RAB3B: variants seen among roughly 807,000 people sequenced by gnomAD.
RAB3B encodes ras-related protein Rab-3B.
RAB3B carries 11 observed loss-of-function variants against 20.5 expected under a neutral mutation model. That is an observed-to-expected ratio of 0.54 (90% CI 0.34 to 0.89). RAB3B has a LOEUF of 0.89. Among genes scored for constraint, RAB3B ranks in the 40% least tolerant of loss-of-function variants. The pLI is 0.02. For synonymous variants in RAB3B, 99 were observed against 106.3 expected (o/e 0.93, Z 0.42); for missense variants, 225 against 280.9 (o/e 0.80, Z 1.42).
chr1:51,979,609 CACA>C (rs1244482752), intron 1 of RAB3B, among the ~76,000 whole-genome samples: 1 of 152,110 alleles, frequency 6.6e-6, no homozygotes, highest in East Asian at 1.9e-4. Flanking sequence ...GGGAAGCAAC[CACA>C]ACAACCTCAC....
chr1:51,972,995 A>G (rs1447630928), intron 2 of RAB3B, among the ~76,000 whole-genome samples: 1 of 152,208 alleles, frequency 6.6e-6, no homozygotes, highest in Admixed American at 6.5e-5. Context: ...TATTTAATGT[A>G]TACAATTTGA....
intron 1 of RAB3B, among the ~76,000 whole-genome samples, chr1:51,980,228 A>C (rs1324443013): frequency 6.6e-6 from 1 of 152,186 alleles, no homozygotes; most frequent in African/African-American, 2.4e-5. Flanking sequence ...CAGGAGTTCA[A>C]GACCAGCCTG....
intron 2 of RAB3B, among the ~76,000 whole-genome samples, chr1:51,969,964 G>A (rs1205625635): frequency 6.6e-6 from 1 of 151,860 alleles, no homozygotes; most frequent in East Asian, 1.9e-4. Flanking sequence ...CAGCTACTAG[G>A]GAGGCTGAGG....
At chr1:51,953,982 C>A (rs766120449) in intron 2 of RAB3B, among the ~76,000 whole-genome samples, 1 of 151,952 alleles carries the variant, frequency 6.6e-6, no homozygotes, top group Non-Finnish European at 1.5e-5. Context: ...ATTTCACTAC[C>A]GAGAATCTGT....
chr1:51,930,883 G>A (rs375906408), intron 4 of RAB3B, among the ~76,000 whole-genome samples: 85 of 152,068 alleles, frequency 5.6e-4, no homozygotes, highest in African/African-American at 1.9e-3. Context: ...CAGGCATGGT[G>A]GTGGGTGCCT....
intron 2 of RAB3B, among the ~76,000 whole-genome samples, chr1:51,967,199 G>C (rs997193980): frequency 6.6e-6 from 1 of 152,072 alleles, no homozygotes; most frequent in Admixed American, 6.6e-5. Flanking sequence ...TGTAATCCCA[G>C]CTATTCGGGA....
At chr1:51,971,946 C>T (rs879777493) in intron 2 of RAB3B, among the ~76,000 whole-genome samples, 8 of 152,074 alleles carry the variant, frequency 5.3e-5, no homozygotes, top group Non-Finnish European at 8.8e-5. Flanking sequence ...TTCGGGAGGC[C>T]GAGGTAGGTG....
intron 4 of RAB3B, among the ~76,000 whole-genome samples, chr1:51,929,375 T>C (rs554170400): frequency 6.6e-6 from 1 of 152,234 alleles, no homozygotes; most frequent in East Asian, 1.9e-4. Flanking sequence ...TCACCCAGGC[T>C]GGAGTGCAGT....
At chr1:51,924,644 G>A (rs898644232) in intron 4 of RAB3B, among the ~76,000 whole-genome samples, 1 of 152,158 alleles carries the variant, frequency 6.6e-6, no homozygotes, top group Admixed American at 6.5e-5. Flanking sequence ...ATGCCAAAGA[G>A]ATGTCTTTAC....
intron 1 of RAB3B, among the ~76,000 whole-genome samples, chr1:51,984,328 A>G (rs1178426382): frequency 6.7e-6 from 1 of 149,036 alleles, no homozygotes; most frequent in Non-Finnish European, 1.5e-5. Context: ...ACTCTAAAAA[A>G]ACATCATTTC....
intron 2 of RAB3B, chr1:51,973,656 G>A (rs1047939874): frequency 6.6e-6 from 1 of 152,114 alleles, no homozygotes; most frequent in African/African-American, 2.4e-5. Context: ...TCAATCAGAG[G>A]TTTCTTTATA....
At chr1:51,965,338 T>A (rs1313681841) in intron 2 of RAB3B, among the ~76,000 whole-genome samples, 1 of 152,194 alleles carries the variant, frequency 6.6e-6, no homozygotes, top group African/African-American at 2.4e-5. Context: ...TAAAAATCAC[T>A]GAACTATACT....
At chr1:51,979,082 G>C (rs1243560753) in intron 1 of RAB3B, among the ~76,000 whole-genome samples, 2 of 152,016 alleles carry the variant, frequency 1.3e-5, no homozygotes, top group Admixed American at 6.6e-5. Context: ...AGACTCACTA[G>C]GCAAGTGTGG....
intron 2 of RAB3B, among the ~76,000 whole-genome samples, chr1:51,955,681 T>C (rs1183154806): frequency 1.3e-5 from 2 of 152,128 alleles, no homozygotes; most frequent in East Asian, 3.9e-4. Flanking sequence ...ATTACAGGCA[T>C]AAGCCACTGC....
chr1:51,936,832 AAGAT>A (rs1684411024), intron 3 of RAB3B, among the ~76,000 whole-genome samples: 1 of 148,054 alleles, frequency 6.8e-6, no homozygotes, highest in Non-Finnish European at 1.5e-5. Context: ...TTTTTTTTTT[AAGAT>A]AGAGTCTCAC....
chr1:51,925,962 C>T (rs868589657), intron 4 of RAB3B, among the ~76,000 whole-genome samples: 7 of 152,192 alleles, frequency 4.6e-5, no homozygotes, highest in Non-Finnish European at 8.8e-5. Context: ...AGGAGCAGCC[C>T]CTGCTGGGGG....
intron 2 of RAB3B, among the ~76,000 whole-genome samples, chr1:51,938,171 T>C (rs768882083): frequency 1.7e-4 from 26 of 151,974 alleles, no homozygotes; most frequent in Non-Finnish European, 3.2e-4. Flanking sequence ...CAGCCCCTTA[T>C]TTTTAATAAT....
In RAB3B at chr1:51,912,344, G is replaced by A. The variant is rs1432498584; in HGVS notation, c.*7583C>T. 1 of 149,026 alleles carries A rather than the reference G, an allele frequency of 6.7e-6. No homozygotes were observed. Among genetic ancestry groups the A allele is most frequent in the Non-Finnish European group, 1.5e-5 (1 of 67,452 alleles). The allele number at this position is 149,026 out of a possible 1,614,324, so 9.2% of individuals were successfully genotyped here. A position where few individuals can be genotyped will look rare whatever the true frequency, so the allele number is the denominator to read the frequency against. The stretch of plus-strand genomic sequence containing the variant: ...AGACAGGGTTTCACCGTCTTGCCAA[G>A]GTTTGGATTGTTTTTGTGTGAAGTA... On this transcript the variant is annotated 3_prime_UTR_variant, in exon 5 of 5. Transcript: ENST00000371655.
chr1:51,935,445 G>A (rs527898714), intron 3 of RAB3B, among the ~76,000 whole-genome samples: 1 of 152,288 alleles, frequency 6.6e-6, no homozygotes, highest in South Asian at 2.1e-4. Context: ...GCTTGGGAGA[G>A]ATAGACCCTC....
Sources: gnomAD v4.1 joint callset for allele counts (sites outside exome capture counted in the v4.1 genomes callset) on GRCh38, gnomAD v4.1.1 for gene constraint, MANE v1.5 for transcripts, NCBI Gene and HGNC (gene_info 2026-07-23, HGNC 2026-07-21) for gene names.